Variants in SYNPO2 observed in about 807,000 individuals in gnomAD.
SYNPO2 encodes the protein synaptopodin 2.
In SYNPO2, 56 loss-of-function variants were observed where a neutral mutation model predicts 85.0. The observed-to-expected ratio is 0.66, with a 90% CI of 0.53 to 0.82. The LOEUF is 0.82. Ranked by LOEUF, SYNPO2 falls within the 40% of genes least tolerant of loss-of-function variation. The pLI is 0.00. For synonymous variants in SYNPO2, 602 were observed against 591.1 expected (o/e 1.02, Z -0.27); for missense variants, 1,575 against 1,534.2 (o/e 1.03, Z -0.44).
intron 4 of SYNPO2, among the ~76,000 whole-genome samples, chr4:119,054,279 G>T (rs1361747130): frequency 1.3e-5 from 2 of 152,194 alleles, no homozygotes; most frequent in Admixed American, 1.3e-4. Flanking sequence ...CACAGACGGT[G>T]GTTTGTTAGC....
chr4:119,021,027 T>C (rs1267109134), intron 1 of SYNPO2, among the ~76,000 whole-genome samples: 2 of 152,210 alleles, frequency 1.3e-5, no homozygotes, highest in Non-Finnish European at 2.9e-5. Flanking sequence ...AATAAATTAG[T>C]ATATTCCAAA....
intron 1 of SYNPO2, among the ~76,000 whole-genome samples, chr4:118,856,385 G>T (rs1197576295): frequency 6.6e-6 from 1 of 151,966 alleles, no homozygotes; most frequent in Non-Finnish European, 1.5e-5. Flanking sequence ...TTATTAGGGG[G>T]GATTATAAAA....
intron 4 of SYNPO2, among the ~76,000 whole-genome samples, 164 bp from the exon 5 acceptor site, chr4:119,057,237 G>C (rs1739233703): frequency 6.6e-6 from 1 of 152,192 alleles, no homozygotes; most frequent in Admixed American, 6.5e-5. Context: ...GTGGGGACAG[G>C]CAGCATGTCC....
chr4:118,927,523 C>A (rs1733752349), intron 1 of SYNPO2, among the ~76,000 whole-genome samples: 1 of 152,056 alleles, frequency 6.6e-6, no homozygotes, highest in Non-Finnish European at 1.5e-5. Flanking sequence ...TCAGAAAAGT[C>A]TTTCTTCCAT....
chr4:118,872,842 G>C (rs1731828355), intron 1 of SYNPO2, among the ~76,000 whole-genome samples: 1 of 151,274 alleles, frequency 6.6e-6, no homozygotes, highest in South Asian at 2.1e-4. Context: ...CCCCTTTTGA[G>C]TCTCCATTAT....
At chr4:118,917,641 T>C (rs966434833) in intron 1 of SYNPO2, among the ~76,000 whole-genome samples, 1 of 111,896 alleles carries the variant, frequency 8.9e-6, no homozygotes, top group African/African-American at 3.4e-5. Flanking sequence ...TTTCATGCTA[T>C]GTAAATACAT....
chr4:118,890,827 C>T (rs541756761), intron 1 of SYNPO2, among the ~76,000 whole-genome samples: 3 of 151,444 alleles, frequency 2.0e-5, no homozygotes, highest in Admixed American at 6.6e-5. Context: ...GTGCAGTCTA[C>T]GAAGCTCTGT....
At chr4:118,881,612 C>T (rs763028980) in intron 1 of SYNPO2, among the ~76,000 whole-genome samples, 3 of 152,236 alleles carry the variant, frequency 2.0e-5, no homozygotes, top group Admixed American at 6.5e-5. Flanking sequence ...TGCTGGGGAG[C>T]GTCCCCTTAC....
intron 1 of SYNPO2, among the ~76,000 whole-genome samples, chr4:119,004,840 C>T (rs2149174990): frequency 6.6e-6 from 1 of 152,160 alleles, no homozygotes; most frequent in East Asian, 1.9e-4. Context: ...TACAGTCCCA[C>T]CAACAGTGTA....
At position 119,001,173 on chromosome 4, in the gene SYNPO2, C is replaced by T. The variant is rs373593669; in HGVS notation, c.106-22257C>T. On this transcript the variant is annotated intron_variant, in intron 1 of 4. Transcript: ENST00000307142. ...GTGGCCATGCCCCCTTGAACCTGTG[C>T]AGTGTCCTAGCCCTATGGCCCTTCC... Among the ~76,000 whole-genome samples the T allele has an allele frequency of 3.9e-5, 6 of 152,304 alleles. No individual in the cohort carries two copies. In the South Asian group the frequency reaches 1.2e-3, roughly 32 times the overall value.
In SYNPO2 at chr4:119,059,144, G is replaced by A. The variant is rs1410973322; in HGVS notation, c.*1210G>A. On this transcript the variant is annotated 3_prime_UTR_variant, in exon 5 of 5. Coordinates refer to ENST00000307142, the MANE Select transcript of SYNPO2 (RefSeq NM_133477.3). Reference sequence around the variant, plus strand: ...TGTTTAGGAGTGGATTAGGTAATTAGTGTCACTACATGTATCATTAAAGGT... The same window carrying A: ...TGTTTAGGAGTGGATTAGGTAATTAATGTCACTACATGTATCATTAAAGGT... 1 of 152,206 alleles carries A rather than the reference G, an allele frequency of 6.6e-6. No homozygotes were observed. The highest frequency in any genetic ancestry group is 1.9e-4 in the East Asian group (1 of 5,196). The allele number at this position is 152,206 out of a possible 1,614,324, so 9.4% of individuals were successfully genotyped here.
chr4:118,979,201 A>G (rs1385174893), intron 1 of SYNPO2, among the ~76,000 whole-genome samples: 1 of 151,906 alleles, frequency 6.6e-6, no homozygotes, highest in Non-Finnish European at 1.5e-5. Context: ...GCCTTCTACT[A>G]TTTTCCCTTA....
chr4:119,022,831 C>CA (rs1737790059), intron 1 of SYNPO2, among the ~76,000 whole-genome samples: 1 of 150,104 alleles, frequency 6.7e-6, no homozygotes, highest in Non-Finnish European at 1.5e-5. Context: ...GGCTGGAGTA[C>CA]AATGGTGCGA....
chr4:118,942,713 G>A (rs1329038831), intron 1 of SYNPO2, among the ~76,000 whole-genome samples: 2 of 152,242 alleles, frequency 1.3e-5, no homozygotes, highest in South Asian at 2.1e-4. Flanking sequence ...AGACATTGTG[G>A]TTGTCACAAC....
intron 1 of SYNPO2, among the ~76,000 whole-genome samples, chr4:118,938,916 A>G (rs1297963814): frequency 6.6e-6 from 1 of 152,202 alleles, no homozygotes; most frequent in Non-Finnish European, 1.5e-5. Flanking sequence ...AGATAATGAT[A>G]ACCTTTCCTT....
intron 1 of SYNPO2, among the ~76,000 whole-genome samples, chr4:118,898,764 T>G (rs1732630494): frequency 6.6e-6 from 1 of 152,214 alleles, no homozygotes; most frequent in South Asian, 2.1e-4. Context: ...TGAAGCTCTC[T>G]GTGATCTGGA....
intron 1 of SYNPO2, among the ~76,000 whole-genome samples, chr4:118,916,147 T>G (rs2149126164): frequency 6.6e-6 from 1 of 151,910 alleles, no homozygotes; most frequent in South Asian, 2.1e-4. Flanking sequence ...AATAACAATT[T>G]TAATATGTCA....
chr4:119,038,370 A>C, intron 4 of SYNPO2: 9 of 581,210 alleles, frequency 1.5e-5, no homozygotes, highest in Non-Finnish European at 1.7e-5. Context: ...TTTTATTAGT[A>C]AAAAAAAAAA....
At chr4:118,873,812 A>T (rs79545463) in intron 1 of SYNPO2, among the ~76,000 whole-genome samples, 22,197 of 151,914 alleles carry the variant, frequency 0.15, 1,682 homozygotes, top group East Asian at 0.21. Context: ...TTTCTTCTGC[A>T]TTTTTATAGT....
Sources: allele counts gnomAD v4.1 joint callset (sites outside exome capture counted in the v4.1 genomes callset), GRCh38; gene constraint gnomAD v4.1.1; transcripts MANE v1.5; gene names NCBI Gene and HGNC (gene_info 2026-07-23, HGNC 2026-07-21).